Variants in QARS1 observed in about 807,000 individuals in gnomAD.
QARS1 encodes glutaminyl-tRNA synthetase 1.
QARS1 carries 79 observed loss-of-function variants against 106.9 expected under a neutral mutation model. The ratio of observed to expected loss-of-function variants is 0.74; its 90% CI spans 0.62 to 0.89. The LOEUF (loss-of-function observed/expected upper bound fraction) is 0.89, where lower values mean the gene tolerates loss of function less well. Among genes scored for constraint, QARS1 ranks in the 40% least tolerant of loss-of-function variants. The pLI is 0.00. For missense variants in QARS1, 966 were observed against 997.2 expected, an observed-to-expected ratio of 0.97 and a Z score of 0.42; for synonymous variants, 395 against 367.7, an observed-to-expected ratio of 1.07 and a Z score of -0.85.
intron 14 of QARS1, 39 bp from the exon 15 acceptor site, chr3:49,099,892 A>C (rs755311615): frequency 3.7e-6 from 6 of 1,613,806 alleles, no homozygotes; most frequent in Non-Finnish European, 3.4e-6. Context: ...ATCCAGCCCT[A>C]CTCTGCCCTA....
chr3:49,099,342 A>T lies in QARS1; in HGVS notation c.1614+2T>A, dbSNP rs1187534568. The T allele has an allele frequency of 6.2e-7, 1 of 1,614,060 alleles. No individual in the cohort carries two copies. The highest frequency in any genetic ancestry group is 1.1e-5 in the South Asian group (1 of 91,086). On this transcript the variant is annotated splice_donor_variant, in intron 17 of 23. Coordinates refer to ENST00000306125, the MANE Select transcript of QARS1 (RefSeq NM_005051.3). LOFTEE classifies it high-confidence loss of function. ...GTATCTACCCAACCTGCTGGGCTAT[A>T]CCCGGGCACAGAAGTTGTTGATGGC... is the stretch of plus-strand genomic sequence containing the variant.
In QARS1 at chr3:49,098,668, G is replaced by A; in HGVS notation, c.1888C>T (p.Leu630=). 1 of 1,606,540 alleles carries A rather than the reference G, an allele frequency of 6.2e-7. No homozygotes were observed. Among genetic ancestry groups the A allele is most frequent in the Non-Finnish European group, 8.5e-7 (1 of 1,176,630 alleles). Residue 630 remains leucine (L), a synonymous_variant, in exon 20 of 24, where the codon CTG becomes TTG. Coordinates refer to ENST00000306125, the MANE Select transcript of QARS1 (RefSeq NM_005051.3). ...KEEPEPGFKR[L]AWGQPVGLRH... is the part of the protein sequence containing the mutation. ...AGGCCCACAGGCTGGCCCCAAGCCA[G>A]GCGCTTAAATCCTGGCTCTGGCTCC... is the stretch of plus-strand genomic sequence containing the variant.
In QARS1 at chr3:49,100,369, C is replaced by A; in HGVS notation, c.1055+11G>T. On this transcript the variant is annotated intron_variant, in intron 12 of 23. Coordinates refer to ENST00000306125, the MANE Select transcript of QARS1 (RefSeq NM_005051.3). ...AGTCTGCCTGGCTCTACGTCATGGCCCTGGCCTTACCTGCGGATGAGCTCC... is the reference window on the plus strand; with the variant it reads ...AGTCTGCCTGGCTCTACGTCATGGCACTGGCCTTACCTGCGGATGAGCTCC... 1 of 1,614,230 alleles carries A rather than the reference C, an allele frequency of 6.2e-7. No homozygotes were observed.
At position 49,098,243 on chromosome 3, in the gene QARS1, GT is replaced by G. The variant is rs1290864014; in HGVS notation, c.2099del (p.Asn700ThrfsTer13). 1.2e-6 allele frequency: 2 copies of G among 1,614,042 alleles called. No individual in the cohort carries two copies. The highest frequency in any genetic ancestry group is 1.7e-6 in the Non-Finnish European group (2 of 1,180,032). On this transcript the variant is annotated frameshift_variant, in exon 22 of 24. Transcript: ENST00000306125. LOFTEE classifies it high-confidence loss of function. ...CAGGCACCTCAGTAGGATCTTCAGG[GT>G]TCTTGTGCTGGAATCTGCAGCCAAA... ...RLYERLFQHKNPEDPTEVPGG... is the reference protein window; with the variant it reads ...RLYERLFQHKXPEDPTEVPGG...
chr3:49,103,802 T>G (rs2042502303), intron 3 of QARS1, 61 bp downstream of exon 3: 2 of 1,596,646 alleles, frequency 1.3e-6, no homozygotes, highest in East Asian at 4.5e-5. Flanking sequence ...GGAGGGAAAC[T>G]GAGCCACTCC....
chr3:49,102,319 G>C, intron 6 of QARS1, 54 bp from the exon 7 acceptor site: 1 of 1,613,582 alleles, frequency 6.2e-7, no homozygotes, highest in Admixed American at 1.7e-5. Context: ...CTCTTGGATA[G>C]GGTCTTGGGA....
In QARS1 at chr3:49,098,711, G is replaced by A; in HGVS notation, c.1864-19C>T. The stretch of plus-strand genomic sequence containing the variant: ...CTGGCTCCTAGAGATAGGAAGTGGG[G>A]TAGACACATGAGGCTGCAAGGGTCA... On this transcript the variant is annotated intron_variant, in intron 19 of 23. Coordinates refer to ENST00000306125, the MANE Select transcript of QARS1 (RefSeq NM_005051.3). 6.4e-7 allele frequency: 1 copy of A among 1,572,162 alleles called. No individual in the cohort carries two copies. The highest frequency in any genetic ancestry group is 8.6e-7 in the Non-Finnish European group (1 of 1,159,680).
At position 49,097,994 on chromosome 3, in the gene QARS1, T is replaced by C; in HGVS notation, c.2275A>G (p.Lys759Glu). 6.2e-6 allele frequency: 10 copies of C among 1,614,150 alleles called. No individual in the cohort carries two copies. Among genetic ancestry groups the C allele is most frequent in the Non-Finnish European group, 8.5e-6 (10 of 1,180,014 alleles). ...GGCAGGTGAGTAAAGTCAAGCACCT[T>C]TCCCTGATGGCTGTCTGGATCCACG... The part of the protein sequence containing the change: ...FSVDPDSHQG[K>E]LVFNRTVTLK... Residue 759 changes from lysine (K) to glutamate (E), a missense_variant and splice_region_variant, in exon 23 of 24, where the codon AAG (lysine) becomes GAG (glutamate). Lys to Glu is a moderately conservative substitution (Grantham distance 56). Coordinates refer to ENST00000306125, the MANE Select transcript of QARS1 (RefSeq NM_005051.3).
Position 49,104,698 on chromosome 3 carries a change from G to A in QARS1, c.36C>T (p.Ser12=). The change falls in exon 1 of 24, where the codon AGC becomes AGT. Residue 12 remains serine, a synonymous_variant. Transcript: ENST00000306125. ...AALDSLSLFT[S]LGLSEQKARE... ...GGGCCTTCTGCTCGCTCAGGCCGAGGCTAGTGAAGAGCGACAGGGAGTCTA... is the reference window on the plus strand; with the variant it reads ...GGGCCTTCTGCTCGCTCAGGCCGAGACTAGTGAAGAGCGACAGGGAGTCTA... 3.1e-6 allele frequency: 5 copies of A among 1,612,736 alleles called. No homozygotes were observed. In the South Asian group the frequency reaches 4.4e-5, roughly 14 times the overall value.
In QARS1 at chr3:49,103,455, C is replaced by T. The variant is rs780171435; in HGVS notation, c.452-46G>A. 1.9e-6 allele frequency: 3 copies of T among 1,605,914 alleles called. No homozygotes were observed. The Admixed American group carries it at 5.0e-5, about 27-fold the overall frequency. On this transcript the variant is annotated intron_variant, in intron 4 of 23. Transcript: ENST00000306125. ...AGCTGCAGAAAGGCAAAAAAGAGTACTCCCCCCACCTCTTTCCCAAGGAAA... is the reference window on the plus strand; with the variant it reads ...AGCTGCAGAAAGGCAAAAAAGAGTATTCCCCCCACCTCTTTCCCAAGGAAA...
In QARS1 at chr3:49,102,631, G is replaced by T. The variant is rs2042486177; in HGVS notation, c.517-159C>A. On this transcript the variant is annotated intron_variant, in intron 5 of 23. Coordinates refer to ENST00000306125, the MANE Select transcript of QARS1 (RefSeq NM_005051.3). ...CATCTCTTCTCATGTGGGTCTGCTA[G>T]CTTAAAATGCTCTTGCTCTTGTTGC... is the stretch of plus-strand genomic sequence containing the variant. 5 of 728,704 alleles carry T rather than the reference G, an allele frequency of 6.9e-6. No individual in the cohort carries two copies. In the East Asian group the frequency reaches 1.1e-4, roughly 16 times the overall value. 45.1% of individuals were successfully genotyped at this position (728,704 alleles called of 1,614,324 possible).
In QARS1 at chr3:49,102,422, G is replaced by A. The variant is rs892777693; in HGVS notation, c.567C>T (p.Phe189=). 2 of 1,614,044 alleles carry A rather than the reference G, an allele frequency of 1.2e-6. No homozygotes were observed. The highest frequency in any genetic ancestry group is 8.5e-7 in the Non-Finnish European group (1 of 1,180,024). The change falls in exon 6 of 24, where the codon TTC becomes TTT. Residue 189 remains phenylalanine (F), a synonymous_variant. Transcript: ENST00000306125. ...TCAGGGCCATGCCCATCCCTACCTTGAACTTCTTCTCCAGATCAGCCTCCA... is the reference window on the plus strand; with the variant it reads ...TCAGGGCCATGCCCATCCCTACCTTAAACTTCTTCTCCAGATCAGCCTCCA... ...PKLEADLEKK[F]KVAKARLEET...
Position 49,101,379 on chromosome 3 carries a change from G to GGC in QARS1, c.851_852insGC (p.Ile284MetfsTer40). On this transcript the variant is annotated frameshift_variant, in exon 10 of 24. Transcript: ENST00000306125. LOFTEE classifies it high-confidence loss of function. ...CCTTGGCATAGCCAAAGTTGAAATT[G>GGC]ATGGCTTTGGCATGTCCAATATGCA... is the stretch of plus-strand genomic sequence containing the variant. The GGC allele has an allele frequency of 1.2e-6, 2 of 1,613,916 alleles. No individual in the cohort carries two copies. The highest frequency in any genetic ancestry group is 3.3e-5 in the Admixed American group (2 of 59,990).
At chr3:49,102,994 G>T (rs570365986) in intron 5 of QARS1, among the ~76,000 whole-genome samples, 14 of 150,058 alleles carry the variant, frequency 9.3e-5, no homozygotes, top group Non-Finnish European at 1.5e-4. Flanking sequence ...GTCTCATTCT[G>T]TACTCCAGGA....
In QARS1 at chr3:49,103,931, C is replaced by T. The variant is rs550829561; in HGVS notation, c.307G>A (p.Asp103Asn). Residue 103 changes from aspartate to asparagine, a missense_variant, in exon 3 of 24, where the codon GAC becomes AAC. By Grantham distance (23) the Asp-to-Asn change is conservative. Coordinates refer to ENST00000306125, the MANE Select transcript of QARS1 (RefSeq NM_005051.3). ...YVRSHPLDPI[D>N]TVDFERECGV... Reference sequence around the variant, plus strand: ...CATTCCCGCTCGAAGTCCACAGTGTCGATGGGGTCCAAGGGGTGACTCCGC... The same window carrying T: ...CATTCCCGCTCGAAGTCCACAGTGTTGATGGGGTCCAAGGGGTGACTCCGC... 4.3e-6 allele frequency: 7 copies of T among 1,614,044 alleles called. No homozygotes were observed. Among genetic ancestry groups the T allele is most frequent in the East Asian group, 2.2e-5 (1 of 44,882 alleles).
Position 49,099,798 on chromosome 3 carries a change from T to G in QARS1, c.1351A>C (p.Ile451Leu). 1 of 1,614,036 alleles carries G rather than the reference T, an allele frequency of 6.2e-7. No homozygotes were observed. Among genetic ancestry groups the G allele is most frequent in the Middle Eastern group, 1.6e-4 (1 of 6,062 alleles). ...THCLCDSIEHITHSLCTKEFQ... is the reference protein window; with the variant it reads ...THCLCDSIEHLTHSLCTKEFQ... ...TCCTTGGTGCAGAGTGAGTGAGTGA[T>G]GTGCTCGATGGAGTCACAGAGGCAG... The change falls in exon 15 of 24, where the codon ATC becomes CTC. Residue 451 changes from isoleucine (I) to leucine (L), a missense_variant. By Grantham distance (5) the Ile-to-Leu change is conservative. Transcript: ENST00000306125.
Position 49,099,389 on chromosome 3 carries a change from T to C in QARS1, c.1569A>G (p.Arg523=). 6.2e-7 allele frequency: 1 copy of C among 1,614,158 alleles called. No individual in the cohort carries two copies. The highest frequency in any genetic ancestry group is 8.5e-7 in the Non-Finnish European group (1 of 1,180,018). Residue 523 remains arginine (R), a synonymous_variant, in exon 17 of 24, where the codon CGA becomes CGG. Coordinates refer to ENST00000306125, the MANE Select transcript of QARS1 (RefSeq NM_005051.3). ...DPRLFTLTAL[R]RRGFPPEAIN... ...TGGCCTCAGGTGGGAAGCCCCGCCG[T>C]CGCAGGGCCGTGAGTGTAAAGAGCC... is the stretch of plus-strand genomic sequence containing the variant.
rs372524045 is a variant in QARS1 at position 49,098,967 on chromosome 3, T to C, written c.1781A>G (p.Asn594Ser). 9.3e-6 allele frequency: 15 copies of C among 1,613,898 alleles called. No homozygotes were observed. The highest frequency in any genetic ancestry group is 2.7e-5 in the African/African-American group (2 of 74,854). ...AAKSLDIQVPNFPADETKGFH... is the reference protein window; with the variant it reads ...AAKSLDIQVPSFPADETKGFH... ...GCCTTTGGTCTCATCAGCTGGGAAG[T>C]TGGGCACCTGGATGTCCAAGGACTA... The change falls in exon 19 of 24, where the codon AAC becomes AGC. Residue 594 changes from asparagine (N) to serine (S), a missense_variant. Physicochemically the swap from Asn to Ser is conservative, Grantham distance 46. Coordinates refer to ENST00000306125, the MANE Select transcript of QARS1 (RefSeq NM_005051.3).
rs1186492759 is a variant in QARS1, at chr3:49,100,185, C to G, written c.1164+5G>C. The G allele has an allele frequency of 1.2e-6, 2 of 1,614,044 alleles. No homozygotes were observed. The highest frequency in any genetic ancestry group is 1.3e-5 in the African/African-American group (1 of 74,904). The stretch of plus-strand genomic sequence containing the variant: ...CCAAACCCAGATGCTCCTCTAGGAC[C>G]CCACCTCAAAGAGCAGCAGTGACTC... On this transcript the variant is annotated splice_donor_5th_base_variant and intron_variant, in intron 13 of 23. Coordinates refer to ENST00000306125, the MANE Select transcript of QARS1 (RefSeq NM_005051.3).
Sources: allele counts gnomAD v4.1 joint callset (sites outside exome capture counted in the v4.1 genomes callset), GRCh38; gene constraint gnomAD v4.1.1; transcripts MANE v1.5; gene names NCBI Gene and HGNC (gene_info 2026-07-23, HGNC 2026-07-21).